NTM: variants seen among roughly 807,000 people sequenced by gnomAD.
NTM encodes neurotrimin.
A neutral mutation model predicts 42.1 loss-of-function variants in NTM; 13 were observed. That is an observed-to-expected ratio of 0.31 (90% confidence interval 0.20 to 0.49). NTM has a LOEUF of 0.49. Among genes scored for constraint, NTM ranks in the 20% least tolerant of loss-of-function variants. The pLI is 0.99. For synonymous variants in NTM, 187 were observed against 179.2 expected, an observed-to-expected ratio of 1.04 and a Z score of -0.35; for missense variants, 373 against 452.8, an observed-to-expected ratio of 0.82 and a Z score of 1.60.
chr11:132,305,330 G>C (rs1199002711), intron 4 of NTM, among the ~76,000 whole-genome samples: 3 of 152,222 alleles, frequency 2.0e-5, no homozygotes, highest in Non-Finnish European at 4.4e-5. Context: ...GTAATACACA[G>C]CTTCACAGGA....
At chr11:132,026,989 C>T (rs1210082498) in intron 2 of NTM, among the ~76,000 whole-genome samples, 5 of 152,182 alleles carry the variant, frequency 3.3e-5, no homozygotes, top group Non-Finnish European at 7.3e-5. Context: ...ACCTTGTCTA[C>T]GCTACTGCTT....
chr11:131,496,449 C>A (rs896731383), intron 1 of NTM, among the ~76,000 whole-genome samples: 1 of 152,244 alleles, frequency 6.6e-6, no homozygotes, highest in Non-Finnish European at 1.5e-5. Context: ...CGTCTTGCTG[C>A]AGACAAAGCA....
At chr11:132,232,013 A>G (rs2087689191) in intron 4 of NTM, among the ~76,000 whole-genome samples, 1 of 152,166 alleles carries the variant, frequency 6.6e-6, no homozygotes, top group Non-Finnish European at 1.5e-5. Context: ...AGGCAGAGCA[A>G]GAGAGCCAGG....
At chr11:131,791,659 T>C (rs2090958893) in intron 1 of NTM, among the ~76,000 whole-genome samples, 1 of 152,228 alleles carries the variant, frequency 6.6e-6, no homozygotes, top group Non-Finnish European at 1.5e-5. Flanking sequence ...TACTTGCCAT[T>C]CTACACACAT....
At chr11:132,001,168 A>T (rs985616561) in intron 2 of NTM, among the ~76,000 whole-genome samples, 8 of 152,234 alleles carry the variant, frequency 5.3e-5, no homozygotes, top group African/African-American at 1.9e-4. Flanking sequence ...GTATGATTCC[A>T]TATCAAAGTA....
intron 4 of NTM, among the ~76,000 whole-genome samples, chr11:132,259,029 T>C (rs922648975): frequency 2.6e-5 from 4 of 152,148 alleles, no homozygotes; most frequent in African/African-American, 7.2e-5. Flanking sequence ...ACTCATCTCT[T>C]TGTGATTTTA....
At chr11:132,079,302 G>C (rs2058737795) in intron 2 of NTM, among the ~76,000 whole-genome samples, 1 of 152,196 alleles carries the variant, frequency 6.6e-6, no homozygotes, top group South Asian at 2.1e-4. Flanking sequence ...AGAATGGTGT[G>C]AGGTAGATGT....
At chr11:131,444,203 C>CAAAAAAAAGAAAAAAAAA (rs1949847764) in intron 1 of NTM, among the ~76,000 whole-genome samples, 1 of 49,506 alleles carries the variant, frequency 2.0e-5, no homozygotes, top group Non-Finnish European at 3.6e-5. Flanking sequence ...AGGTTAGAAC[C>CAAAAAAAAGAAAAAAAAA]AAAAAAAAAA....
At chr11:132,127,011 A>C (rs769052559) in intron 2 of NTM, among the ~76,000 whole-genome samples, 3 of 152,156 alleles carry the variant, frequency 2.0e-5, no homozygotes, top group Non-Finnish European at 4.4e-5. Flanking sequence ...AGAGTTCCAG[A>C]AACTATTTCC....
In NTM at chr11:131,672,247, A is replaced by C. The variant is rs775882707; in HGVS notation, c.83-239317A>C. On this transcript the variant is annotated intron_variant, in intron 1 of 8. Transcript: ENST00000683400. ...AACATTTCCCCTCTGGGGAGGCCTC[A>C]AAGCATAGCACAGGCCCGAATGCAT... 4.5e-4 allele frequency among the ~76,000 whole-genome samples: 69 copies of C among 152,282 alleles called. No homozygotes were observed. The Middle Eastern group carries it at 0.014, about 30-fold the overall frequency.
intron 2 of NTM, among the ~76,000 whole-genome samples, chr11:132,100,869 G>C (rs1225125214): frequency 1.3e-5 from 2 of 152,212 alleles, no homozygotes; most frequent in African/African-American, 4.8e-5. Context: ...ATCAGATGGT[G>C]AGGGAAGACT....
chr11:131,819,939 G>A (rs948298603), intron 1 of NTM, among the ~76,000 whole-genome samples: 3 of 152,228 alleles, frequency 2.0e-5, no homozygotes, highest in Admixed American at 6.5e-5. Flanking sequence ...AATTGATTTC[G>A]GTCTGTTCCC....
At chr11:131,605,841 G>A (rs2060904014) in intron 1 of NTM, 2 of 984,170 alleles carry the variant, frequency 2.0e-6, no homozygotes, top group Non-Finnish European at 1.2e-6. Context: ...CTGCCTGGAA[G>A]CCTCTTCTTG....
intron 1 of NTM, among the ~76,000 whole-genome samples, chr11:131,565,660 G>A (rs1193295043): frequency 6.6e-6 from 1 of 152,166 alleles, no homozygotes; most frequent in Non-Finnish European, 1.5e-5. Flanking sequence ...TCCATTTTTA[G>A]AGCAAAAATT....
chr11:131,769,717 G>A (rs1353505057), intron 1 of NTM: 1 of 262,412 alleles, frequency 3.8e-6, no homozygotes, highest in African/African-American at 2.3e-5. Context: ...GGCACAGCCA[G>A]TGACTTGGAT....
chr11:131,561,543 C>A (rs1329846238), intron 1 of NTM, among the ~76,000 whole-genome samples: 3 of 152,112 alleles, frequency 2.0e-5, no homozygotes, highest in Non-Finnish European at 4.4e-5. Context: ...CCAACCAAGG[C>A]AAAAAACTGT....
chr11:131,629,109 G>C (rs2063408956), intron 1 of NTM, among the ~76,000 whole-genome samples: 1 of 152,246 alleles, frequency 6.6e-6, no homozygotes, highest in Non-Finnish European at 1.5e-5. Flanking sequence ...CAGTGCCCTT[G>C]TGCAGCTTGT....
At chr11:131,942,562 G>T (rs777506808) in intron 2 of NTM, among the ~76,000 whole-genome samples, 6 of 152,170 alleles carry the variant, frequency 3.9e-5, no homozygotes, top group Non-Finnish European at 8.8e-5. Flanking sequence ...CATTGTCTCT[G>T]CACAGGGAAC....
intron 1 of NTM, among the ~76,000 whole-genome samples, chr11:131,741,644 G>C (rs536913502): frequency 6.6e-6 from 1 of 152,180 alleles, no homozygotes; most frequent in African/African-American, 2.4e-5. Context: ...TGAAAGCAGA[G>C]ACTAAGGAAA....
Sources: allele counts gnomAD v4.1 joint callset (sites outside exome capture counted in the v4.1 genomes callset), GRCh38; gene constraint gnomAD v4.1.1; transcripts MANE v1.5; gene names NCBI Gene and HGNC (gene_info 2026-07-23, HGNC 2026-07-21).